MRPL42: variants seen among roughly 807,000 people sequenced by gnomAD.
MRPL42 encodes large ribosomal subunit protein mL42.
MRPL42 carries 17 observed loss-of-function variants against 17.9 expected under a neutral mutation model. That is an observed-to-expected ratio of 0.95 (90% CI 0.65 to 1.42). The LOEUF (loss-of-function observed/expected upper bound fraction) is 1.42. MRPL42 is among the 40% of genes most tolerant of loss of function. The pLI is 0.00. For synonymous variants in MRPL42, 59 were observed against 54.4 expected (o/e 1.08, Z -0.37); for missense variants, 177 against 175.2 (o/e 1.01, Z -0.06).
chr12:93,480,561 A>G (rs1339020238), intron 4 of MRPL42, among the ~76,000 whole-genome samples: 2 of 143,962 alleles, frequency 1.4e-5, no homozygotes, highest in South Asian at 4.4e-4. Flanking sequence ...TTTTTTTTTG[A>G]GACTGAGTCT....
At chr12:93,497,602 A>G (rs1953528194) in intron 5 of MRPL42, among the ~76,000 whole-genome samples, 1 of 152,192 alleles carries the variant, frequency 6.6e-6, no homozygotes, top group Non-Finnish European at 1.5e-5. Context: ...AGAGCCATTT[A>G]TGACAAACCC....
intron 5 of MRPL42, among the ~76,000 whole-genome samples, chr12:93,493,829 A>G (rs1338648685): frequency 0.05 from 61 of 1,224 alleles, no homozygotes; most frequent in Non-Finnish European, 0.07. Context: ...ATGATTCTGT[A>G]GTACACAAAA....
At chr12:93,486,637 C>A (rs1880754477) in intron 4 of MRPL42, among the ~76,000 whole-genome samples, 1 of 151,632 alleles carries the variant, frequency 6.6e-6, no homozygotes, top group Non-Finnish European at 1.5e-5. Context: ...CGCACCCGGC[C>A]AAAAAATGTC....
chr12:93,485,663 A>G (rs1880707309), intron 4 of MRPL42, among the ~76,000 whole-genome samples: 1 of 152,178 alleles, frequency 6.6e-6, no homozygotes, highest in African/African-American at 2.4e-5. Context: ...CAATCTTGTT[A>G]CATATATATT....
At chr12:93,496,295 G>A (rs1238673478) in intron 5 of MRPL42, among the ~76,000 whole-genome samples, 1 of 151,976 alleles carries the variant, frequency 6.6e-6, no homozygotes, top group Non-Finnish European at 1.5e-5. Context: ...CTGACCTCAA[G>A]CGATCCACCC....
At chr12:93,481,840 A>G (rs767786059) in intron 4 of MRPL42, among the ~76,000 whole-genome samples, 1 of 152,190 alleles carries the variant, frequency 6.6e-6, no homozygotes, top group African/African-American at 2.4e-5. Flanking sequence ...TGTAACCTAC[A>G]TCGATTGATC....
chr12:93,479,554 A>G lies in MRPL42; in HGVS notation c.219+82A>G, dbSNP rs1174736715. On this transcript the variant is annotated intron_variant, in intron 4 of 5. Transcript: ENST00000549982. ...TCTTTATAGTATCCAAAAAGAAGGG[A>G]GTCATCTGATTTTCTTTGTTTTAGA... is the stretch of plus-strand genomic sequence containing the variant. 2.5e-5 allele frequency: 19 copies of G among 745,322 alleles called. 1 individual carries two copies. The Middle Eastern group carries it at 3.1e-3, about 123-fold the overall frequency. 46.2% of individuals were successfully genotyped at this position (745,322 alleles called of 1,614,324 possible).
rs1953734224 is a variant in MRPL42 at position 93,512,513 on chromosome 12, A to G, written c.*11292A>G. ...TGGCCAGCTAGAGTTACCTGAAGTT[A>G]CTATCTTCAATTATCTGAAGACAGT... On this transcript the variant is annotated 3_prime_UTR_variant, in exon 6 of 6. Transcript: ENST00000549982. The G allele has an allele frequency of 6.6e-6, 1 of 152,578 alleles. No individual in the cohort carries two copies. Among genetic ancestry groups the G allele is most frequent in the Admixed American group, 6.5e-5 (1 of 15,276 alleles). The allele number at this position is 152,578 out of a possible 1,614,324, so 9.5% of individuals were successfully genotyped here. A position where few individuals can be genotyped will look rare whatever the true frequency, so the allele number is the denominator to read the frequency against.
At chr12:93,473,836 G>C (rs533565698) in intron 2 of MRPL42, among the ~76,000 whole-genome samples, 21 of 152,212 alleles carry the variant, frequency 1.4e-4, no homozygotes, top group African/African-American at 5.1e-4. Context: ...CCAAAGTTCT[G>C]GTATTACAGG....
In MRPL42 at chr12:93,473,677, C is replaced by A. The variant is rs186997583; in HGVS notation, c.71-3277C>A. On this transcript the variant is annotated intron_variant, in intron 2 of 5. Coordinates refer to ENST00000549982, the MANE Select transcript of MRPL42 (RefSeq NM_014050.4). ...ATCTCCTGACCTCAGGTGATCTACCCACCTCAGCCTCCCAAAGTGCTGGGA... is the reference window on the plus strand; with the variant it reads ...ATCTCCTGACCTCAGGTGATCTACCAACCTCAGCCTCCCAAAGTGCTGGGA... 3.9e-3 allele frequency among the ~76,000 whole-genome samples: 598 copies of A among 152,028 alleles called. 2 individuals carry two copies. Among genetic ancestry groups the A allele is most frequent in the Middle Eastern group, 6.8e-3 (2 of 292 alleles).
intron 4 of MRPL42, among the ~76,000 whole-genome samples, chr12:93,486,996 G>T (rs140274781): frequency 0.012 from 1,835 of 151,514 alleles, 21 homozygotes; most frequent in Middle Eastern, 0.028. Context: ...TTGAGACAGG[G>T]TTTCACTCTG....
At chr12:93,496,899 G>A (rs866984149) in intron 5 of MRPL42, among the ~76,000 whole-genome samples, 1 of 151,948 alleles carries the variant, frequency 6.6e-6, no homozygotes, top group Admixed American at 6.6e-5. Flanking sequence ...TGTAACCTCC[G>A]TCTCCCAGGT....
chr12:93,485,005 T>A (rs35724198), intron 4 of MRPL42, among the ~76,000 whole-genome samples: 1 of 49,708 alleles, frequency 2.0e-5, no homozygotes, highest in African/African-American at 9.6e-5. Context: ...TATATATATA[T>A]ATATATATAT....
rs1233115249 is a variant in MRPL42, at chr12:93,503,419, C to T, written c.*2198C>T. On this transcript the variant is annotated 3_prime_UTR_variant, in exon 6 of 6. Transcript: ENST00000549982. ...TTTTAAAGAAAAGGTCTTGCTGTGT[C>T]GCCCAGGATGGAGTGCAGTGGCACA... 6 of 151,282 alleles carry T rather than the reference C, an allele frequency of 4.0e-5. No homozygotes were observed. Among genetic ancestry groups the T allele is most frequent in the Admixed American group, 6.6e-5 (1 of 15,206 alleles). 9.4% of individuals were successfully genotyped at this position (151,282 alleles called of 1,614,324 possible). A position where few individuals can be genotyped will look rare whatever the true frequency, so the allele number is the denominator to read the frequency against.
At chr12:93,472,329 C>A (rs1174647011) in intron 2 of MRPL42, among the ~76,000 whole-genome samples, 1 of 152,126 alleles carries the variant, frequency 6.6e-6, no homozygotes, top group African/African-American at 2.4e-5. Flanking sequence ...GTGGCTCACA[C>A]CTGTAATACC....
intron 5 of MRPL42, among the ~76,000 whole-genome samples, chr12:93,494,887 A>G (rs982850978): frequency 2.0e-5 from 3 of 152,178 alleles, no homozygotes; most frequent in Non-Finnish European, 4.4e-5. Flanking sequence ...AACCGTTACT[A>G]AGGTCGAATT....
At chr12:93,494,950 AG>A (rs1269885541) in intron 5 of MRPL42, among the ~76,000 whole-genome samples, 1 of 152,208 alleles carries the variant, frequency 6.6e-6, no homozygotes, top group Non-Finnish European at 1.5e-5. Flanking sequence ...ATAGTGATAC[AG>A]GGGTCCCCAG....
intron 2 of MRPL42, among the ~76,000 whole-genome samples, chr12:93,472,208 T>C (rs896337022): frequency 6.6e-6 from 1 of 152,104 alleles, no homozygotes; most frequent in Admixed American, 6.6e-5. Flanking sequence ...AGAAAATCAT[T>C]CCATTATCAG....
chr12:93,480,515 G>A (rs1360465126), intron 4 of MRPL42, among the ~76,000 whole-genome samples: 1 of 151,056 alleles, frequency 6.6e-6, no homozygotes, highest in Admixed American at 6.6e-5. Context: ...TAGGGTCAGG[G>A]TGCCGGTTGA....
Sources: gnomAD v4.1 joint callset for allele counts (sites outside exome capture counted in the v4.1 genomes callset) on GRCh38, gnomAD v4.1.1 for gene constraint, MANE v1.5 for transcripts, NCBI Gene and HGNC (gene_info 2026-07-23, HGNC 2026-07-21) for gene names.